Variants in AGBL4 observed in about 807,000 individuals in gnomAD.
AGBL4 encodes AGBL carboxypeptidase 4.
A neutral mutation model predicts 66.4 loss-of-function variants in AGBL4; 58 were observed. The ratio of observed to expected loss-of-function variants is 0.87; its 90% CI spans 0.71 to 1.09. The LOEUF is 1.09. AGBL4 is among the 50% of genes least tolerant of loss of function. AGBL4 has a pLI of 0.00. For missense variants in AGBL4, 579 were observed against 631.0 expected, an observed-to-expected ratio of 0.92 and a Z score of 0.88; for synonymous variants, 234 against 222.9, an observed-to-expected ratio of 1.05 and a Z score of -0.44.
At chr1:48,900,324 G>A (rs1368945489) in intron 5 of AGBL4, among the ~76,000 whole-genome samples, 1 of 152,194 alleles carries the variant, frequency 6.6e-6, no homozygotes, top group Non-Finnish European at 1.5e-5. Context: ...GGATGGGCAT[G>A]ATCAGATTTG....
intron 3 of AGBL4, among the ~76,000 whole-genome samples, chr1:49,676,273 C>A (rs190472571): frequency 7.2e-5 from 11 of 152,150 alleles, no homozygotes; most frequent in African/African-American, 2.6e-4. Flanking sequence ...TATTTTCATT[C>A]TCAAGACACT....
At chr1:50,022,332 C>T (rs149870238) in intron 1 of AGBL4, among the ~76,000 whole-genome samples, 2 of 152,216 alleles carry the variant, frequency 1.3e-5, no homozygotes, top group African/African-American at 4.8e-5. Context: ...ACAAGGTAAG[C>T]TCATCCAAAG....
chr1:49,374,571 C>T (rs1557880435), intron 3 of AGBL4, among the ~76,000 whole-genome samples: 1 of 152,194 alleles, frequency 6.6e-6, no homozygotes, highest in East Asian at 1.9e-4. Context: ...AGAGGATACA[C>T]CTATAATTTG....
At chr1:49,945,755 A>G (rs1267615930) in intron 1 of AGBL4, among the ~76,000 whole-genome samples, 2 of 152,116 alleles carry the variant, frequency 1.3e-5, no homozygotes, top group Admixed American at 1.3e-4. Context: ...GCTTCACTTA[A>G]AAGATACAGA....
At chr1:49,398,067 A>C (rs1337663414) in intron 3 of AGBL4, among the ~76,000 whole-genome samples, 2 of 152,206 alleles carry the variant, frequency 1.3e-5, no homozygotes, top group Non-Finnish European at 2.9e-5. Context: ...CCAGATACCA[A>C]AACCTGCTCT....
chr1:48,930,865 GTCC>G (rs1190752981), intron 5 of AGBL4, among the ~76,000 whole-genome samples: 1 of 152,066 alleles, frequency 6.6e-6, no homozygotes, highest in Non-Finnish European at 1.5e-5. Flanking sequence ...TCTTTTATGG[GTCC>G]TGCAGGCACT....
chr1:49,021,127 C>T (rs568745488), intron 5 of AGBL4, among the ~76,000 whole-genome samples: 4 of 152,158 alleles, frequency 2.6e-5, no homozygotes, highest in East Asian at 1.9e-4. Flanking sequence ...TGAAAGGATT[C>T]GGGCAGCATA....
At chr1:49,325,386 T>A (rs1318713113) in intron 3 of AGBL4, among the ~76,000 whole-genome samples, 2 of 152,210 alleles carry the variant, frequency 1.3e-5, no homozygotes, top group African/African-American at 4.8e-5. Context: ...GGAAAAGTGT[T>A]AGCATCTCAT....
At chr1:49,291,085 G>T (rs1458032181) in intron 3 of AGBL4, among the ~76,000 whole-genome samples, 1 of 152,222 alleles carries the variant, frequency 6.6e-6, no homozygotes, top group Non-Finnish European at 1.5e-5. Context: ...GCTAACAGCA[G>T]ATTTGCGGAT....
chr1:49,746,024 C>A (rs1265482191), intron 2 of AGBL4, among the ~76,000 whole-genome samples: 1 of 151,908 alleles, frequency 6.6e-6, no homozygotes, highest in Admixed American at 6.6e-5. Context: ...AAATAATACA[C>A]CTCAGACATA....
At chr1:49,678,146 T>C (rs756101471) in intron 3 of AGBL4, among the ~76,000 whole-genome samples, 2 of 152,212 alleles carry the variant, frequency 1.3e-5, no homozygotes, top group Non-Finnish European at 2.9e-5. Flanking sequence ...TTAATAGTTA[T>C]AGAGCTATTC....
chr1:49,602,395 A>G (rs1392137357), intron 3 of AGBL4, among the ~76,000 whole-genome samples: 1 of 152,116 alleles, frequency 6.6e-6, no homozygotes, highest in Admixed American at 6.6e-5. Context: ...ACATGCACAC[A>G]TGTTTATTGT....
intron 6 of AGBL4, among the ~76,000 whole-genome samples, chr1:48,681,520 A>G (rs1348008633): frequency 6.6e-6 from 1 of 151,968 alleles, no homozygotes; most frequent in Admixed American, 6.6e-5. Flanking sequence ...GTACCACAGG[A>G]CTCCAGAGCC....
chr1:48,963,930 G>T (rs1455638108), intron 5 of AGBL4, among the ~76,000 whole-genome samples: 1 of 152,156 alleles, frequency 6.6e-6, no homozygotes, highest in African/African-American at 2.4e-5. Flanking sequence ...TATTTACTAT[G>T]TGCAAGGCTC....
intron 6 of AGBL4, among the ~76,000 whole-genome samples, chr1:48,675,669 T>C (rs1331661967): frequency 1.3e-5 from 2 of 152,184 alleles, no homozygotes; most frequent in African/African-American, 4.8e-5. Context: ...TCTACCACCA[T>C]AAAAATCAGA....
At chr1:49,481,115 T>G (rs996168249) in intron 3 of AGBL4, among the ~76,000 whole-genome samples, 1 of 152,058 alleles carries the variant, frequency 6.6e-6, no homozygotes, top group African/African-American at 2.4e-5. Context: ...GGCTTTCGGG[T>G]TCTTTTCGGT....
intron 5 of AGBL4, among the ~76,000 whole-genome samples, chr1:49,017,168 A>C (rs1323704055): frequency 1.3e-5 from 2 of 152,192 alleles, no homozygotes; most frequent in East Asian, 3.8e-4. Flanking sequence ...CTCCCAGAAA[A>C]ATGCACGCAT....
intron 3 of AGBL4, among the ~76,000 whole-genome samples, chr1:49,341,608 G>A (rs1051812358): frequency 5.9e-5 from 9 of 152,134 alleles, no homozygotes; most frequent in African/African-American, 1.9e-4. Flanking sequence ...GGATGTTAAC[G>A]GCTATTCTCT....
intron 10 of AGBL4, among the ~76,000 whole-genome samples, chr1:48,588,277 T>C (rs1320367913): frequency 1.3e-5 from 2 of 152,206 alleles, no homozygotes; most frequent in Non-Finnish European, 2.9e-5. Context: ...GCTTCTTTAC[T>C]AAGATGTTGA....
Sources: allele counts gnomAD v4.1 joint callset (sites outside exome capture counted in the v4.1 genomes callset), GRCh38; gene constraint gnomAD v4.1.1; transcripts MANE v1.5; gene names NCBI Gene and HGNC (gene_info 2026-07-23, HGNC 2026-07-21).